Variants in NUGGC observed in about 807,000 individuals in gnomAD.
NUGGC encodes the protein nuclear GTPase, germinal center associated.
Under a neutral mutation model 92.6 loss-of-function variants are expected in NUGGC, and 58 were observed. That is an observed-to-expected ratio of 0.63 (90% CI 0.51 to 0.78). NUGGC has a LOEUF of 0.78. Ranked by LOEUF, NUGGC falls within the 30% of genes least tolerant of loss-of-function variation. NUGGC has a pLI of 0.00. For missense variants in NUGGC, 925 were observed against 964.6 expected (o/e 0.96, Z 0.54); for synonymous variants, 376 against 366.4 (o/e 1.03, Z -0.30).
chr8:28,064,867 G>T lies in NUGGC; in HGVS notation c.712-136C>A. 6 of 689,794 alleles carry T rather than the reference G, an allele frequency of 8.7e-6. No homozygotes were observed. The East Asian group carries it at 1.4e-4, about 16-fold the overall frequency. The allele number at this position is 689,794 out of a possible 1,614,324, so 42.7% of individuals were successfully genotyped here. A position where few individuals can be genotyped will look rare whatever the true frequency, so the allele number is the denominator to read the frequency against. Reference sequence around the variant, plus strand: ...CGTCCAACAGGAGGCCTGCAATCAGGTCTGTAGGACCTAGAACCTGAGAGC... The same window carrying T: ...CGTCCAACAGGAGGCCTGCAATCAGTTCTGTAGGACCTAGAACCTGAGAGC... On this transcript the variant is annotated intron_variant, in intron 6 of 18. Coordinates refer to ENST00000413272, the MANE Select transcript of NUGGC (RefSeq NM_001010906.2).
rs770729694 is a variant in NUGGC, at chr8:28,023,341, A to G, written c.2367T>C (p.Ala789=). The part of the protein sequence containing the change: ...EFLLRASPSK[A]GPPGTSL ...GTTACAGTGATGTCCCGGGGGGGCC[A>G]GCCTTGCTGGGGGATGCCCTTAGGA... Residue 789 remains alanine, a synonymous_variant, in exon 19 of 19, where the codon GCT becomes GCC. Coordinates refer to ENST00000413272, the MANE Select transcript of NUGGC (RefSeq NM_001010906.2). 1 of 1,613,774 alleles carries G rather than the reference A, an allele frequency of 6.2e-7. No homozygotes were observed. The highest frequency in any genetic ancestry group is 8.5e-7 in the Non-Finnish European group (1 of 1,179,790).
At chr8:28,077,665 C>T (rs1337906485) in intron 1 of NUGGC, among the ~76,000 whole-genome samples, 2 of 152,064 alleles carry the variant, frequency 1.3e-5, no homozygotes, top group Non-Finnish European at 2.9e-5. Flanking sequence ...GTATGAAATG[C>T]TAGGCATCAT....
intron 13 of NUGGC, among the ~76,000 whole-genome samples, chr8:28,034,774 A>G (rs529595265): frequency 6.6e-6 from 1 of 152,284 alleles, no homozygotes; most frequent in Admixed American, 6.5e-5. Flanking sequence ...CCGAGATCGC[A>G]GCACTGCACT....
chr8:28,031,152 A>T, intron 15 of NUGGC, 91 bp downstream of exon 15: 1 of 1,428,130 alleles, frequency 7.0e-7, no homozygotes, highest in Non-Finnish European at 9.8e-7. Context: ...TACTCCAGGG[A>T]ACAAGGGAAC....
chr8:28,068,121 A>G lies in NUGGC; in HGVS notation c.480+95T>C, dbSNP rs572070250. Reference sequence around the variant, plus strand: ...GAAGGGAGAGAGGGAGGGAAGAGGAAGGAAGGAAGAAAGAAAGGAAGGAGG... The same window carrying G: ...GAAGGGAGAGAGGGAGGGAAGAGGAGGGAAGGAAGAAAGAAAGGAAGGAGG... On this transcript the variant is annotated intron_variant, in intron 5 of 18. Transcript: ENST00000413272. 325 of 704,958 alleles carry G rather than the reference A, an allele frequency of 4.6e-4. 5 individuals are homozygous for G. In the South Asian group the frequency reaches 5.7e-3, roughly 12 times the overall value. 43.7% of individuals were successfully genotyped at this position (704,958 alleles called of 1,614,324 possible).
chr8:28,068,315 T>C lies in NUGGC; in HGVS notation c.381A>G (p.Leu127=). The part of the protein sequence containing the change: ...INAIIQQAMF[L]PVSGESICTS... ...TACATATGCTTTCTCCAGACACTGG[T>C]AGAAACATTGCTTGCTGGATGATGG... Residue 127 remains leucine, a synonymous_variant, in exon 5 of 19, where the codon CTA becomes CTG. Coordinates refer to ENST00000413272, the MANE Select transcript of NUGGC (RefSeq NM_001010906.2). The C allele has an allele frequency of 6.4e-7, 1 of 1,557,288 alleles. No individual in the cohort carries two copies. The highest frequency in any genetic ancestry group is 8.7e-7 in the Non-Finnish European group (1 of 1,150,128).
intron 11 of NUGGC, among the ~76,000 whole-genome samples, chr8:28,046,007 C>T (rs1458837706): frequency 6.6e-6 from 1 of 152,104 alleles, no homozygotes; most frequent in East Asian, 1.9e-4. Flanking sequence ...GAGTCCCAGC[C>T]CTTCAGTCCC....
In NUGGC at chr8:28,030,299, G is replaced by A. The variant is rs573468521; in HGVS notation, c.2017+11C>T. The A allele has an allele frequency of 2.4e-4, 347 of 1,458,506 alleles. No individual in the cohort carries two copies. Among genetic ancestry groups the A allele is most frequent in the South Asian group, 3.8e-4 (31 of 82,602 alleles). 90.3% of individuals were successfully genotyped at this position (1,458,506 alleles called of 1,614,324 possible). A position where few individuals can be genotyped will look rare whatever the true frequency, so the allele number is the denominator to read the frequency against. On this transcript the variant is annotated intron_variant, in intron 16 of 18. Coordinates refer to ENST00000413272, the MANE Select transcript of NUGGC (RefSeq NM_001010906.2). ...AGAGCAGGCAGAAATGCTGTCCTCC[G>A]CAGCCCCCACCTTCGTAACAGAGCT... is the stretch of plus-strand genomic sequence containing the variant.
chr8:28,055,874 C>T lies in NUGGC; in HGVS notation c.1206+91G>A, dbSNP rs1810120314. On this transcript the variant is annotated intron_variant, in intron 10 of 18. Coordinates refer to ENST00000413272, the MANE Select transcript of NUGGC (RefSeq NM_001010906.2). ...AACTGTCTATTCCAAAACTTTGGCCCTTGCAACTACACAATACCAGGCATA... is the reference window on the plus strand; with the variant it reads ...AACTGTCTATTCCAAAACTTTGGCCTTTGCAACTACACAATACCAGGCATA... The T allele has an allele frequency of 4.4e-6, 3 of 688,396 alleles. No homozygotes were observed. The Admixed American group carries it at 8.7e-5, about 20-fold the overall frequency. 42.6% of individuals were successfully genotyped at this position (688,396 alleles called of 1,614,324 possible).
At chr8:28,067,819 C>A in intron 5 of NUGGC, 75 bp from the exon 6 acceptor site, 2 of 1,194,522 alleles carry the variant, frequency 1.7e-6, no homozygotes, top group Non-Finnish European at 2.4e-6. Context: ...GGGCCCATTG[C>A]CCCCTGTGGA....
intron 3 of NUGGC, 113 bp downstream of exon 3, chr8:28,070,139 G>A: frequency 6.9e-7 from 1 of 1,457,250 alleles, no homozygotes; most frequent in Non-Finnish European, 9.0e-7. Context: ...TCCAAAACAG[G>A]TTTATTTGAT....
chr8:28,046,046 C>A (rs1054357322), intron 11 of NUGGC, among the ~76,000 whole-genome samples: 3 of 152,092 alleles, frequency 2.0e-5, no homozygotes, highest in African/African-American at 4.8e-5. Context: ...TATCAACTAA[C>A]CCTTAACACC....
chr8:28,055,900 C>T (rs1810121132), intron 10 of NUGGC, 65 bp downstream of exon 10: 2 of 871,738 alleles, frequency 2.3e-6, no homozygotes, highest in African/African-American at 1.7e-5. Flanking sequence ...ACCAGGCATA[C>T]ATTTGTCTCC....
Position 28,069,441 on chromosome 8 carries a change from G to A in NUGGC, c.257+103C>T, listed in dbSNP as rs1810529714. The A allele has an allele frequency of 6.3e-6, 4 of 639,274 alleles. No individual in the cohort carries two copies. The East Asian group carries it at 1.0e-4, about 17-fold the overall frequency. The allele number at this position is 639,274 out of a possible 1,614,324, so 39.6% of individuals were successfully genotyped here. On this transcript the variant is annotated intron_variant, in intron 4 of 18. Coordinates refer to ENST00000413272, the MANE Select transcript of NUGGC (RefSeq NM_001010906.2). ...AGAAATTTGTGTCCCTCTTTTCTTA[G>A]TTTCTAATTAAATAGTCCCTTTCCT...
intron 7 of NUGGC, among the ~76,000 whole-genome samples, chr8:28,061,174 C>A (rs1025721864): frequency 1.1e-4 from 16 of 152,224 alleles, no homozygotes; most frequent in African/African-American, 3.4e-4. Flanking sequence ...TGCACCTACC[C>A]TCAAGCTGTC....
intron 10 of NUGGC, among the ~76,000 whole-genome samples, chr8:28,050,594 T>C (rs979743932): frequency 1.3e-5 from 2 of 151,954 alleles, no homozygotes; most frequent in African/African-American, 4.8e-5. Flanking sequence ...GTGGGTCACC[T>C]GAGGTCAGGA....
chr8:28,038,465 A>T (rs866776955), intron 13 of NUGGC, among the ~76,000 whole-genome samples: 1 of 152,290 alleles, frequency 6.6e-6, no homozygotes, highest in Middle Eastern at 3.4e-3. Flanking sequence ...ACCCTATAAC[A>T]TAGGTACCGT....
intron 14 of NUGGC, among the ~76,000 whole-genome samples, chr8:28,033,063 G>A (rs1430950723): frequency 1.3e-5 from 2 of 152,154 alleles, no homozygotes; most frequent in Non-Finnish European, 2.9e-5. Context: ...GGGAGGCTGA[G>A]ATGGGAGGAT....
intron 2 of NUGGC, among the ~76,000 whole-genome samples, chr8:28,070,756 T>C (rs1195711582): frequency 1.3e-5 from 2 of 150,928 alleles, no homozygotes; most frequent in African/African-American, 4.9e-5. Context: ...CCATCACACC[T>C]GGCAAATTTT....
Sources: gnomAD v4.1 joint callset for allele counts (sites outside exome capture counted in the v4.1 genomes callset) on GRCh38, gnomAD v4.1.1 for gene constraint, MANE v1.5 for transcripts, NCBI Gene and HGNC (gene_info 2026-07-23, HGNC 2026-07-21) for gene names.